LRRTM4: variants seen among roughly 807,000 people sequenced by gnomAD.
LRRTM4 encodes the protein leucine-rich repeat transmembrane neuronal protein 4.
Under a neutral mutation model 47.6 loss-of-function variants are expected in LRRTM4, and 25 were observed. The ratio of observed to expected loss-of-function variants is 0.53; its 90% confidence interval spans 0.38 to 0.73. LRRTM4 has a LOEUF of 0.73. Among genes scored for constraint, LRRTM4 ranks in the 30% least tolerant of loss-of-function variants. LRRTM4 has a pLI of 0.00. For missense variants in LRRTM4, 638 were observed against 713.4 expected (o/e 0.89, Z 1.20); for synonymous variants, 311 against 269.5 (o/e 1.15, Z -1.51).
chr2:76,872,544 C>A (rs575106086), intron 3 of LRRTM4, among the ~76,000 whole-genome samples: 2 of 151,860 alleles, frequency 1.3e-5, no homozygotes, highest in Admixed American at 1.3e-4. Context: ...AGATGGCTTG[C>A]TGTTTTTGTC....
At chr2:77,131,530 T>G (rs1671803234) in intron 3 of LRRTM4, among the ~76,000 whole-genome samples, 1 of 152,198 alleles carries the variant, frequency 6.6e-6, no homozygotes, top group Non-Finnish European at 1.5e-5. Flanking sequence ...GGTTCTAATG[T>G]TCGTATGGTG....
At chr2:77,123,839 T>C (rs1414323769) in intron 3 of LRRTM4, among the ~76,000 whole-genome samples, 1 of 152,108 alleles carries the variant, frequency 6.6e-6, no homozygotes, top group African/African-American at 2.4e-5. Context: ...CCCATTATCC[T>C]TGGCCTTGAC....
At chr2:77,206,454 G>A (rs1462096318) in intron 3 of LRRTM4, among the ~76,000 whole-genome samples, 1 of 151,398 alleles carries the variant, frequency 6.6e-6, no homozygotes, top group African/African-American at 2.4e-5. Context: ...TAAAGTGCTG[G>A]GATTACAGAT....
At chr2:76,929,655 C>A (rs147394870) in intron 3 of LRRTM4, among the ~76,000 whole-genome samples, 1 of 152,190 alleles carries the variant, frequency 6.6e-6, no homozygotes, top group African/African-American at 2.4e-5. Context: ...CAAGTGAAGT[C>A]CAGCATAATT....
At chr2:77,043,774 AAAGC>A (rs1311134879) in intron 3 of LRRTM4, among the ~76,000 whole-genome samples, 3 of 151,954 alleles carry the variant, frequency 2.0e-5, no homozygotes, top group African/African-American at 7.2e-5. Flanking sequence ...CCTTCATCTT[AAAGC>A]AATGAAGGAT....
At chr2:76,769,534 A>AC (rs397739855) in intron 3 of LRRTM4, among the ~76,000 whole-genome samples, 2 of 152,064 alleles carry the variant, frequency 1.3e-5, no homozygotes, top group African/African-American at 2.4e-5. Context: ...TGAAAAAAAA[A>AC]CAAAAATAAT....
intron 3 of LRRTM4, among the ~76,000 whole-genome samples, chr2:77,251,179 G>A (rs1206504246): frequency 3.0e-4 from 9 of 30,148 alleles, no homozygotes; most frequent in East Asian, 9.6e-4. Flanking sequence ...GTGTGTGTGT[G>A]TATATATATA....
intron 3 of LRRTM4, among the ~76,000 whole-genome samples, chr2:77,420,207 G>A (rs1674820920): frequency 6.6e-6 from 1 of 152,148 alleles, no homozygotes; most frequent in Non-Finnish European, 1.5e-5. Context: ...GTCTTGTCAT[G>A]TGGACCTCAC....
intron 3 of LRRTM4, among the ~76,000 whole-genome samples, chr2:76,897,910 A>G (rs1318409107): frequency 6.6e-6 from 1 of 152,182 alleles, no homozygotes; most frequent in Admixed American, 6.6e-5. Context: ...CCATACTGGT[A>G]GAATTAAGCC....
At chr2:76,979,119 C>T (rs1345303944) in intron 3 of LRRTM4, among the ~76,000 whole-genome samples, 1 of 151,940 alleles carries the variant, frequency 6.6e-6, no homozygotes, top group Non-Finnish European at 1.5e-5. Context: ...TGAGCAGTTG[C>T]TTAACTGAGT....
At chr2:76,831,323 A>T in intron 3 of LRRTM4, among the ~76,000 whole-genome samples, 1 of 152,144 alleles carries the variant, frequency 6.6e-6, no homozygotes, top group East Asian at 1.9e-4. Context: ...CTGTAGCTTC[A>T]TTGGTGTGTG....
intron 3 of LRRTM4, among the ~76,000 whole-genome samples, chr2:77,156,568 A>ATCT (rs1672565521): frequency 6.6e-6 from 1 of 152,164 alleles, no homozygotes; most frequent in South Asian, 2.1e-4. Flanking sequence ...CAATAACATA[A>ATCT]GACTAAAAAC....
intron 3 of LRRTM4, among the ~76,000 whole-genome samples, chr2:77,216,585 A>G (rs1437419506): frequency 6.6e-6 from 1 of 152,224 alleles, no homozygotes; most frequent in Non-Finnish European, 1.5e-5. Context: ...GTATATATTT[A>G]TAAGTAGCAA....
chr2:76,864,964 T>A (rs910627955), intron 3 of LRRTM4, among the ~76,000 whole-genome samples: 5 of 151,532 alleles, frequency 3.3e-5, no homozygotes, highest in African/African-American at 1.2e-4. Context: ...CTCAATCTCC[T>A]GGCTCAAGCG....
chr2:77,169,079 A>G (rs1672970919), intron 3 of LRRTM4, among the ~76,000 whole-genome samples: 1 of 152,184 alleles, frequency 6.6e-6, no homozygotes, highest in Non-Finnish European at 1.5e-5. Flanking sequence ...AATATACTTC[A>G]GCATAGTCAA....
intron 3 of LRRTM4, among the ~76,000 whole-genome samples, chr2:77,207,055 G>C (rs1359055083): frequency 1.3e-5 from 2 of 150,806 alleles, no homozygotes; most frequent in Non-Finnish European, 3.0e-5. Context: ...TTCAGAGCCT[G>C]AAACATTCCC....
chr2:76,774,570 AAG>A (rs1673876055), intron 3 of LRRTM4, among the ~76,000 whole-genome samples: 1 of 152,176 alleles, frequency 6.6e-6, no homozygotes, highest in Admixed American at 6.5e-5. Flanking sequence ...GATTATGATA[AAG>A]AGCTTCATCC....
At position 77,518,778 on chromosome 2, in the gene LRRTM4, T is replaced by C; in HGVS notation, c.1091A>G (p.Gln364Arg). 3 of 1,613,110 alleles carry C rather than the reference T, an allele frequency of 1.9e-6. No individual in the cohort carries two copies. The highest frequency in any genetic ancestry group is 2.5e-6 in the Non-Finnish European group (3 of 1,179,540). The change falls in exon 3 of 4, where the codon CAG becomes CGG. Residue 364 changes from glutamine (Q) to arginine (R), a missense_variant. Physicochemically the swap from Gln to Arg is conservative, Grantham distance 43. Transcript: ENST00000409884. Reference sequence around the variant, plus strand: ...GTGTGATCTTTCTGTGTTGACCACCTGGACTTCAGAACAGATATTATATGT... The same window carrying C: ...GTGTGATCTTTCTGTGTTGACCACCCGGACTTCAGAACAGATATTATATGT... ...VETYNICSEV[Q>R]VVNTERSHLV...
intron 3 of LRRTM4, among the ~76,000 whole-genome samples, chr2:77,041,558 A>G (rs886987110): frequency 6.6e-6 from 1 of 151,488 alleles, no homozygotes; most frequent in East Asian, 2.0e-4. Context: ...CCTTCTCCAC[A>G]TCCTCATGAA....
Sources: gnomAD v4.1 joint callset for allele counts (sites outside exome capture counted in the v4.1 genomes callset) on GRCh38, gnomAD v4.1.1 for gene constraint, MANE v1.5 for transcripts, NCBI Gene and HGNC (gene_info 2026-07-23, HGNC 2026-07-21) for gene names.